Variants in SLC16A3 observed in about 807,000 individuals in gnomAD.
SLC16A3 encodes the protein solute carrier family 16 member 3, also known as monocarboxylate transporter 4.
In SLC16A3, 22 loss-of-function variants were observed where a neutral mutation model predicts 25.0. The observed-to-expected ratio is 0.88, with a 90% CI of 0.63 to 1.26. The LOEUF (loss-of-function observed/expected upper bound fraction) is 1.26, where lower values mean the gene tolerates loss of function less well. SLC16A3 is among the 50% of genes most tolerant of loss of function. The pLI is 0.00. For missense variants in SLC16A3, 731 were observed against 666.6 expected, an observed-to-expected ratio of 1.10 and a Z score of -1.06; for synonymous variants, 390 against 309.2, an observed-to-expected ratio of 1.26 and a Z score of -2.74.
Position 82,237,479 on chromosome 17 carries a change from G to T in SLC16A3, c.709G>T (p.Val237Phe). 1 of 1,610,034 alleles carries T rather than the reference G, an allele frequency of 6.2e-7. No homozygotes were observed. ...TGTGCTTTACGCCGTGGCCGCCTCG[G>T]TCATGGTGCTGGGGCTCTTCGTCCC... ...GFVLYAVAAS[V>F]MVLGLFVPPV... The change falls in exon 4 of 5, where the codon GTC becomes TTC. Residue 237 changes from valine to phenylalanine, a missense_variant. Val to Phe is a conservative substitution (Grantham distance 50). Transcript: ENST00000582743.
rs975190563 is a variant in SLC16A3 at position 82,239,183 on chromosome 17, A to G, written c.*207A>G. ...CCAGAGTGGATCTGCGGTGAAGCCA[A>G]GCCGCAAGGTTACAAGGCATCCTCA... On this transcript the variant is annotated 3_prime_UTR_variant, in exon 5 of 5. Coordinates refer to ENST00000582743, the MANE Select transcript of SLC16A3 (RefSeq NM_004207.4). 1.0e-5 allele frequency: 5 copies of G among 487,332 alleles called. No individual in the cohort carries two copies. The highest frequency in any genetic ancestry group is 2.0e-5 in the African/African-American group (1 of 50,698). 30.2% of individuals were successfully genotyped at this position (487,332 alleles called of 1,614,324 possible). A position where few individuals can be genotyped will look rare whatever the true frequency, so the allele number is the denominator to read the frequency against.
chr17:82,220,006 CG>C (rs1408711934), intron 1 of SLC16A3, among the ~76,000 whole-genome samples: 4 of 151,948 alleles, frequency 2.6e-5, no homozygotes, highest in African/African-American at 7.3e-5. Context: ...CGCTCAGGGC[CG>C]GGGGGGCCCT....
At chr17:82,222,528 G>A (rs548047413) in intron 1 of SLC16A3, among the ~76,000 whole-genome samples, 1 of 152,346 alleles carries the variant, frequency 6.6e-6, no homozygotes, top group African/African-American at 2.4e-5. Flanking sequence ...AAGAGGCCGG[G>A]TGTGGTGGCT....
chr17:82,226,182 G>C (rs544259933), upstream of SLC16A3, among the ~76,000 whole-genome samples: 6 of 152,224 alleles, frequency 3.9e-5, no homozygotes, highest in East Asian at 1.2e-3. Context: ...GGGCAGCCAG[G>C]GGCAGGTGGA....
Position 82,238,766 on chromosome 17 carries a change from C to T in SLC16A3, c.1188C>T (p.Leu396=), listed in dbSNP as rs762495427. Residue 396 remains leucine (L), a synonymous_variant, in exon 5 of 5, where the codon CTC becomes CTT. Transcript: ENST00000582743. ...YVFILAGAEV[L]TSSLILLLGN... Reference sequence around the variant, plus strand: ...TCATCCTGGCGGGGGCCGAGGTGCTCACCTCCTCCCTGATTTTGCTGCTGG... The same window carrying T: ...TCATCCTGGCGGGGGCCGAGGTGCTTACCTCCTCCCTGATTTTGCTGCTGG... The T allele has an allele frequency of 2.5e-6, 4 of 1,612,726 alleles. No individual in the cohort carries two copies. The East Asian group carries it at 6.7e-5, about 27-fold the overall frequency.
At chr17:82,225,160 G>A (rs903609293), upstream of SLC16A3, among the ~76,000 whole-genome samples, 1 of 152,200 alleles carries the variant, frequency 6.6e-6, no homozygotes, top group Non-Finnish European at 1.5e-5. Flanking sequence ...TACTCAGGAG[G>A]CTGAGGCAGG....
chr17:82,233,426 C>T (rs961578339), intron 1 of SLC16A3, among the ~76,000 whole-genome samples: 1 of 152,184 alleles, frequency 6.6e-6, no homozygotes, highest in Admixed American at 6.5e-5. Context: ...GGCACTGCCC[C>T]AACCCTCTGC....
chr17:82,238,003 C>T (rs962643754), intron 4 of SLC16A3, 110 bp downstream of exon 4: 1 of 1,309,484 alleles, frequency 7.6e-7, no homozygotes, highest in Non-Finnish European at 1.0e-6. Flanking sequence ...GTGTGGGACT[C>T]AGAGCTGGAG....
intron 1 of SLC16A3, among the ~76,000 whole-genome samples, chr17:82,232,733 G>A (rs1389388333): frequency 6.6e-6 from 1 of 152,196 alleles, no homozygotes; most frequent in Non-Finnish European, 1.5e-5. Flanking sequence ...GTGGGACGCA[G>A]GGTCTCCTGC....
chr17:82,220,038 C>T (rs1472421789), intron 1 of SLC16A3, among the ~76,000 whole-genome samples: 1 of 152,092 alleles, frequency 6.6e-6, no homozygotes, highest in Non-Finnish European at 1.5e-5. Context: ...GTTGGGGGGG[C>T]TCTCAGGGCC....
chr17:82,218,236 C>T (rs1175394476), intron 1 of SLC16A3, among the ~76,000 whole-genome samples: 1 of 146,460 alleles, frequency 6.8e-6, no homozygotes, highest in Non-Finnish European at 1.5e-5. Context: ...GGGTGGACGG[C>T]CAAGGGGAGC....
intron 3 of SLC16A3, 24 bp downstream of exon 3, chr17:82,236,896 C>T (rs780496813): frequency 2.1e-5 from 33 of 1,600,836 alleles, no homozygotes; most frequent in African/African-American, 2.7e-5. Context: ...GCCGGTGGGC[C>T]GCACGTGCCA....
intron 1 of SLC16A3, among the ~76,000 whole-genome samples, chr17:82,220,817 T>C (rs773665815): frequency 2.6e-5 from 4 of 152,038 alleles, no homozygotes; most frequent in Non-Finnish European, 4.4e-5. Flanking sequence ...AATTAATTAA[T>C]TTAATTTATT....
At position 82,238,719 on chromosome 17, in the gene SLC16A3, AC is replaced by A; in HGVS notation, c.1144del (p.His382ThrfsTer19). ...PPSGGKLLDA[T>X]HVYMYVFILA... is the part of the protein sequence containing the mutation. The stretch of plus-strand genomic sequence containing the variant: ...TCCCGCAGGCAAACTCCTGGATGCG[AC>A]CCACGTCTACATGTACGTGTTCATC... On this transcript the variant is annotated frameshift_variant, in exon 5 of 5. Transcript: ENST00000582743. LOFTEE classifies it low-confidence loss of function (END_TRUNC). 6.2e-7 allele frequency: 1 copy of A among 1,610,980 alleles called. No homozygotes were observed. Among genetic ancestry groups the A allele is most frequent in the African/African-American group, 1.3e-5 (1 of 74,946 alleles).
At chr17:82,227,066 C>T (rs768651863), upstream of SLC16A3, among the ~76,000 whole-genome samples, 3 of 152,180 alleles carry the variant, frequency 2.0e-5, no homozygotes, top group Non-Finnish European at 2.9e-5. Context: ...GGCTCCACCC[C>T]AGCTCTGGGT....
At chr17:82,232,837 A>G (rs2050519920) in intron 1 of SLC16A3, among the ~76,000 whole-genome samples, 2 of 128,458 alleles carry the variant, frequency 1.6e-5, no homozygotes, top group African/African-American at 5.8e-5. Context: ...CTCTCCGGGC[A>G]GCCCCCACCT....
chr17:82,227,578 C>CACCTGCCCTGGGCGGGAGCACT (rs2050432277), upstream of SLC16A3, among the ~76,000 whole-genome samples: 3 of 141,962 alleles, frequency 2.1e-5, no homozygotes, highest in Admixed American at 7.0e-5. Flanking sequence ...ATGGGAGCAC[C>CACCTGCCCTGGGCGGGAGCACT]ACCTGCCCTG....
At chr17:82,233,174 G>T (rs1314510241) in intron 1 of SLC16A3, among the ~76,000 whole-genome samples, 1 of 152,236 alleles carries the variant, frequency 6.6e-6, no homozygotes, top group Non-Finnish European at 1.5e-5. Flanking sequence ...CATGTGGGCA[G>T]ACAGCTGGCT....
upstream of SLC16A3, among the ~76,000 whole-genome samples, chr17:82,224,923 G>A (rs996821686): frequency 3.3e-5 from 5 of 152,184 alleles, no homozygotes; most frequent in African/African-American, 7.2e-5. Context: ...ACTGGGCCAC[G>A]GTGCGGCTTC....
Sources: gnomAD v4.1 joint callset for allele counts (sites outside exome capture counted in the v4.1 genomes callset) on GRCh38, gnomAD v4.1.1 for gene constraint, MANE v1.5 for transcripts, NCBI Gene and HGNC (gene_info 2026-07-23, HGNC 2026-07-21) for gene names.